ME3: variants seen among roughly 807,000 people sequenced by gnomAD.
ME3 encodes the protein malic enzyme 3.
A neutral mutation model predicts 68.9 loss-of-function variants in ME3; 48 were observed. The ratio of observed to expected loss-of-function variants is 0.70; its 90% confidence interval spans 0.55 to 0.89. The LOEUF (loss-of-function observed/expected upper bound fraction) is 0.89. Ranked by LOEUF, ME3 falls within the 40% of genes least tolerant of loss-of-function variation. The pLI is 0.00. For missense variants in ME3, 675 were observed against 797.4 expected, an observed-to-expected ratio of 0.85 and a Z score of 1.85; for synonymous variants, 320 against 318.8, an observed-to-expected ratio of 1.00 and a Z score of -0.04.
intron 2 of ME3, among the ~76,000 whole-genome samples, chr11:86,598,815 A>T (rs1208057943): frequency 6.6e-6 from 1 of 152,174 alleles, no homozygotes; most frequent in Non-Finnish European, 1.5e-5. Flanking sequence ...TTCTGCAGAC[A>T]CCGCTGCTGA....
In ME3 at chr11:86,598,422, C is replaced by T. The variant is rs1308655230; in HGVS notation, c.184-38599G>A. Among the ~76,000 whole-genome samples, 7 of 152,210 alleles carry T rather than the reference C, an allele frequency of 4.6e-5. No homozygotes were observed. The South Asian group carries it at 8.3e-4, about 18-fold the overall frequency. On this transcript the variant is annotated intron_variant, in intron 2 of 14. Coordinates refer to ENST00000543262, the Ensembl canonical transcript of ME3. ...AGGGGCACCCGCCATTGCCCAGACT[C>T]GCTTAGGTAAACGAAGCAGCCAGGA...
At chr11:86,658,892 C>G (rs981766505) in intron 2 of ME3, among the ~76,000 whole-genome samples, 1 of 152,130 alleles carries the variant, frequency 6.6e-6, no homozygotes, top group African/African-American at 2.4e-5. Context: ...ATAGGTTTTT[C>G]TCTACACCAA....
chr11:86,634,661 A>G (rs946523893), intron 2 of ME3, among the ~76,000 whole-genome samples: 8 of 149,688 alleles, frequency 5.3e-5, no homozygotes, highest in Admixed American at 4.0e-4. Flanking sequence ...TCACATTCAC[A>G]TGCTAGTAAA....
chr11:86,498,145 A>T (rs1565863171), intron 5 of ME3, 21 bp from the exon 6 acceptor site: 2 of 1,601,324 alleles, frequency 1.2e-6, no homozygotes, highest in African/African-American at 2.7e-5. Flanking sequence ...GCAGGGCACC[A>T]TCAATCAGGG....
At chr11:86,600,013 A>C (rs192518414) in intron 2 of ME3, among the ~76,000 whole-genome samples, 2 of 152,156 alleles carry the variant, frequency 1.3e-5, no homozygotes, top group East Asian at 3.9e-4. Context: ...TGTAAAGACT[A>C]TCAAGATTAG....
At position 86,613,094 on chromosome 11, in the gene ME3, A is replaced by G. The variant is rs557262263; in HGVS notation, c.184-53271T>C. On this transcript the variant is annotated intron_variant, in intron 2 of 14. Coordinates refer to ENST00000543262, the Ensembl canonical transcript of ME3. ...CTTGAGTTAATTTTTGTAAGGTGAA[A>G]GGAAGGGGTCCAGTTTCAGTTTTCT... 2.6e-5 allele frequency among the ~76,000 whole-genome samples: 4 copies of G among 152,204 alleles called. No homozygotes were observed. In the South Asian group the frequency reaches 6.2e-4, roughly 24 times the overall value.
intron 2 of ME3, among the ~76,000 whole-genome samples, chr11:86,652,665 G>A (rs369685123): frequency 0.44 from 66,385 of 149,926 alleles, 16,418 homozygotes; most frequent in Non-Finnish European, 0.56. Flanking sequence ...GACCATCCAC[G>A]CTAGGAAGAA....
chr11:86,565,341 T>A (rs576575016), intron 2 of ME3, among the ~76,000 whole-genome samples: 1 of 152,280 alleles, frequency 6.6e-6, no homozygotes, highest in East Asian at 1.9e-4. Flanking sequence ...AAGCTGAACA[T>A]AGAATTACCA....
In ME3 at chr11:86,459,828, G is replaced by A. The variant is rs577884845; in HGVS notation, c.919+5263C>T. ...ATAACACACAGGAGCCTTTATGGGC[G>A]TCTGGCCTGGAGATTTAGCAGGATT... On this transcript the variant is annotated intron_variant, in intron 8 of 14. Transcript: ENST00000543262. 9.2e-5 allele frequency among the ~76,000 whole-genome samples: 14 copies of A among 152,350 alleles called. No individual in the cohort carries two copies. In the East Asian group the frequency reaches 1.2e-3, roughly 13 times the overall value.
At chr11:86,455,817 A>T (rs531240041) in intron 8 of ME3, among the ~76,000 whole-genome samples, 1 of 152,316 alleles carries the variant, frequency 6.6e-6, no homozygotes, top group South Asian at 2.1e-4. Context: ...CAGGCTCAGC[A>T]CTGTACTGCA....
chr11:86,494,139 C>T (rs187003849), intron 6 of ME3, among the ~76,000 whole-genome samples: 19 of 152,044 alleles, frequency 1.2e-4, no homozygotes, highest in Non-Finnish European at 1.2e-4. Flanking sequence ...ATGTTGGTCA[C>T]TTTATAACTT....
chr11:86,573,109 C>T (rs1227496631), intron 2 of ME3, among the ~76,000 whole-genome samples: 1 of 152,148 alleles, frequency 6.6e-6, no homozygotes, highest in Non-Finnish European at 1.5e-5. Context: ...ATACTTTGCC[C>T]ACTTTTTGAT....
intron 2 of ME3, among the ~76,000 whole-genome samples, chr11:86,612,523 C>T (rs1430364259): frequency 6.6e-6 from 1 of 152,192 alleles, no homozygotes; most frequent in East Asian, 1.9e-4. Context: ...ATTTACATCC[C>T]CACCAACAGT....
At chr11:86,641,231 G>A (rs531401363) in intron 2 of ME3, among the ~76,000 whole-genome samples, 52 of 152,202 alleles carry the variant, frequency 3.4e-4, no homozygotes, top group African/African-American at 1.2e-3. Context: ...GAAAAAAACA[G>A]AAAACAGCAG....
intron 2 of ME3, among the ~76,000 whole-genome samples, chr11:86,612,616 G>A (rs755829519): frequency 3.3e-5 from 5 of 152,160 alleles, no homozygotes; most frequent in Non-Finnish European, 5.9e-5. Flanking sequence ...TGACTGGTGC[G>A]AGATGGTATC....
intron 2 of ME3, among the ~76,000 whole-genome samples, chr11:86,640,355 T>G (rs1944593069): frequency 6.6e-6 from 1 of 152,234 alleles, no homozygotes; most frequent in African/African-American, 2.4e-5. Flanking sequence ...AGCCTCTGAC[T>G]TTTATTTCTA....
intron 2 of ME3, among the ~76,000 whole-genome samples, chr11:86,594,957 A>T (rs1959195920): frequency 6.9e-6 from 1 of 145,206 alleles, no homozygotes; most frequent in African/African-American, 2.5e-5. Context: ...TCTGTGGGGG[A>T]TGAGCTAGGA....
chr11:86,612,394 G>A (rs765343496), intron 2 of ME3, among the ~76,000 whole-genome samples: 91 of 152,276 alleles, frequency 6.0e-4, no homozygotes, highest in African/African-American at 1.8e-3. Context: ...TGTCTTTATA[G>A]GAGAATGATT....
At chr11:86,532,383 AG>A (rs1329899660) in intron 4 of ME3, among the ~76,000 whole-genome samples, 1 of 152,240 alleles carries the variant, frequency 6.6e-6, no homozygotes, top group East Asian at 1.9e-4. Context: ...AGATATATAC[AG>A]AACATTTCTT....
Sources: allele counts gnomAD v4.1 joint callset (sites outside exome capture counted in the v4.1 genomes callset), GRCh38; gene constraint gnomAD v4.1.1; transcripts MANE v1.5; gene names NCBI Gene and HGNC (gene_info 2026-07-23, HGNC 2026-07-21).